Variants in FHIP1B observed in about 807,000 individuals in gnomAD.
FHIP1B encodes FHF complex subunit HOOK interacting protein 1B.
A neutral mutation model predicts 82.2 loss-of-function variants in FHIP1B; 28 were observed. The observed-to-expected ratio is 0.34, with a 90% confidence interval of 0.25 to 0.47. The LOEUF is 0.47. FHIP1B is among the 20% of genes least tolerant of loss of function. The pLI is 1.00. For missense variants in FHIP1B, 1,110 were observed against 1,262.6 expected (o/e 0.88, Z 1.83); for synonymous variants, 585 against 516.1 (o/e 1.13, Z -1.81).
At chr11:6,228,173 C>T (rs764233803) in intron 1 of FHIP1B, among the ~76,000 whole-genome samples, 4 of 152,036 alleles carry the variant, frequency 2.6e-5, no homozygotes, top group South Asian at 2.1e-4. Flanking sequence ...CACGGTGAAA[C>T]CCCATCTCTA....
chr11:6,233,753 G>A (rs1218632800), intron 1 of FHIP1B, among the ~76,000 whole-genome samples: 6 of 152,176 alleles, frequency 3.9e-5, no homozygotes. Flanking sequence ...TTAAGCACAG[G>A]TAAGGAGCAA....
rs325607 is a variant in FHIP1B at position 6,224,285 on chromosome 11, T to C, written c.139-37A>G. The C allele has an allele frequency of 8.7e-3, 13,983 of 1,613,550 alleles. 778 individuals are homozygous for C. The African/African-American group carries it at 0.14, about 16-fold the overall frequency. The stretch of plus-strand genomic sequence containing the variant: ...GGACAGAAGATGGAAGGAATCTAAA[T>C]TGATAAGGTTACTAAATGGGATGAG... On this transcript the variant is annotated intron_variant, in intron 2 of 11. Transcript: ENST00000449352.
chr11:6,222,692 C>T (rs910577711), intron 5 of FHIP1B, 83 bp from the exon 6 acceptor site: 1 of 1,566,602 alleles, frequency 6.4e-7, no homozygotes, highest in African/African-American at 1.4e-5. Flanking sequence ...TAAGAGAAAT[C>T]AGGAGCAGAC....
chr11:6,218,456 A>C, intron 8 of FHIP1B, 144 bp downstream of exon 8: 3 of 1,247,520 alleles, frequency 2.4e-6, no homozygotes, highest in Non-Finnish European at 2.2e-6. Context: ...CCTGCAAGAC[A>C]CCCTCATCAA....
chr11:6,230,030 C>T (rs1441682690), intron 1 of FHIP1B, among the ~76,000 whole-genome samples: 1 of 151,574 alleles, frequency 6.6e-6, no homozygotes, highest in African/African-American at 2.4e-5. Context: ...CCTTCAGGCT[C>T]AGCCACAGAG....
chr11:6,216,183 A>T (rs563478508), intron 9 of FHIP1B, among the ~76,000 whole-genome samples: 1 of 152,390 alleles, frequency 6.6e-6, no homozygotes, highest in South Asian at 2.1e-4. Flanking sequence ...ATGGAAAGAT[A>T]GATTTTCTGT....
Position 6,223,849 on chromosome 11 carries a change from G to C in FHIP1B, c.538C>G (p.Leu180Val), listed in dbSNP as rs750602939. The C allele has an allele frequency of 6.2e-7, 1 of 1,614,108 alleles. No individual in the cohort carries two copies. Among genetic ancestry groups the C allele is most frequent in the Non-Finnish European group, 8.5e-7 (1 of 1,180,048 alleles). Reference protein sequence around the residue: ...PALDEGLVLLLSQLCVCVAQE... With the variant: ...PALDEGLVLLVSQLCVCVAQE... Reference sequence around the variant, plus strand: ...GCCACACAAACACACAGCTGGCTGAGAAGTAGCACCAAGCCTTCATCCAGT... The same window carrying C: ...GCCACACAAACACACAGCTGGCTGACAAGTAGCACCAAGCCTTCATCCAGT... Residue 180 changes from leucine to valine, a missense_variant, in exon 3 of 12, where the codon CTC (leucine) becomes GTC (valine). This residue lies in a region of FHIP1B where 467 missense variants were observed against 602.9 expected (regional missense o/e 0.77). Transcript: ENST00000449352. This position sits in a 1 kb window ranked among gnomAD's most constrained non-coding sequence, Gnocchi z 4.8.
At chr11:6,220,214 T>A (rs145992010) in intron 6 of FHIP1B, among the ~76,000 whole-genome samples, 1 of 152,216 alleles carries the variant, frequency 6.6e-6, no homozygotes, top group East Asian at 1.9e-4. Flanking sequence ...AGCCAAGGAA[T>A]CTGGTTGCTC....
rs1202155141 is a variant in FHIP1B at position 6,211,613 on chromosome 11, A to G, written c.2812T>C (p.Leu938=). The part of the protein sequence containing the change: ...AVIFPEFLKE[L]AAISQAHAVT... ...GCATGAGCCTGGGAGATGGCAGCCA[A>G]CTCCTTGAGAAATTCAGGGAAAATG... The change falls in exon 12 of 12, where the codon TTG becomes CTG. Residue 938 remains leucine, a synonymous_variant. Coordinates refer to ENST00000449352, the MANE Select transcript of FHIP1B (RefSeq NM_001098794.2). 4.3e-6 allele frequency: 7 copies of G among 1,614,084 alleles called. 1 individual carries two copies.
At chr11:6,218,505 TC>T (rs1202378541) in intron 8 of FHIP1B, 94 bp downstream of exon 8, 41 of 1,548,622 alleles carry the variant, frequency 2.6e-5, no homozygotes, top group Non-Finnish European at 3.3e-5. Flanking sequence ...GACACCTTCC[TC>T]CCCTTCACCC....
In FHIP1B at chr11:6,224,524, G is replaced by A. The variant is rs117257317; in HGVS notation, c.-8C>T. ...CCAATTCATCCTCTCCATGAGGCAG[G>A]CTGGGCAGGACTGGCAGCCAGAGGC... On this transcript the variant is annotated 5_prime_UTR_variant, in exon 2 of 12. Coordinates refer to ENST00000449352, the MANE Select transcript of FHIP1B (RefSeq NM_001098794.2). 2 of 1,606,458 alleles carry A rather than the reference G, an allele frequency of 1.2e-6. No homozygotes were observed. Among genetic ancestry groups the A allele is most frequent in the African/African-American group, 1.3e-5 (1 of 74,674 alleles).
rs939943940 is a variant in FHIP1B, at chr11:6,214,714, G to A, written c.2394+19C>T. 39 of 1,554,432 alleles carry A rather than the reference G, an allele frequency of 2.5e-5. No homozygotes were observed. The highest frequency in any genetic ancestry group is 3.3e-5 in the Non-Finnish European group (38 of 1,146,812). ...CACCACGGAGCCTGGACGCACCCAT[G>A]CATGCATGCATCGCACACCTGCAGC... On this transcript the variant is annotated intron_variant, in intron 10 of 11. Transcript: ENST00000449352.
At chr11:6,231,636 A>AT (rs1182452271) in intron 1 of FHIP1B, among the ~76,000 whole-genome samples, 3 of 151,730 alleles carry the variant, frequency 2.0e-5, no homozygotes, top group Non-Finnish European at 4.4e-5. Context: ...ACACCTGGCT[A>AT]ATTTTTGGTG....
Position 6,217,414 on chromosome 11 carries a change from G to C in FHIP1B, c.2172C>G (p.Ser724Arg). 1 of 1,614,158 alleles carries C rather than the reference G, an allele frequency of 6.2e-7. No individual in the cohort carries two copies. Among genetic ancestry groups the C allele is most frequent in the Non-Finnish European group, 8.5e-7 (1 of 1,180,022 alleles). Residue 724 changes from serine (S) to arginine (R), a missense_variant, in exon 9 of 12, where the codon AGC (serine) becomes AGG (arginine). Transcript: ENST00000449352. ...PPEPPGPFLS[S>R]PLRTLNQLPS... ...GCAGCTGGTTGAGAGTCCGCAAAGGGCTGCTGAGGAAGGGGCCAGGGGGCT... is the reference window on the plus strand; with the variant it reads ...GCAGCTGGTTGAGAGTCCGCAAAGGCCTGCTGAGGAAGGGGCCAGGGGGCT...
intron 9 of FHIP1B, 83 bp downstream of exon 9, chr11:6,217,288 C>A (rs762421923): frequency 1.7e-5 from 22 of 1,300,234 alleles, no homozygotes; most frequent in Non-Finnish European, 1.9e-5. Context: ...ATGACATGGC[C>A]AAGAGGTCCA....
chr11:6,215,325 C>G (rs763624382), intron 9 of FHIP1B: 1 of 156,748 alleles, frequency 6.4e-6, no homozygotes, highest in Non-Finnish European at 1.4e-5. Context: ...AGCCTCAGAT[C>G]TGGCAAATTT....
rs571053772 is a variant in FHIP1B at position 6,222,669 on chromosome 11, T to G, written c.1024-60A>C. On this transcript the variant is annotated intron_variant, in intron 5 of 11. Transcript: ENST00000449352. ...AGCTTCCCTGCACATACAGGGCCATTTTCCCTGGATTCTAAGAGAAATCAG... is the reference window on the plus strand; with the variant it reads ...AGCTTCCCTGCACATACAGGGCCATGTTCCCTGGATTCTAAGAGAAATCAG... 2.4e-4 allele frequency: 389 copies of G among 1,591,152 alleles called. 1 individual carries two copies. Among genetic ancestry groups the G allele is most frequent in the South Asian group, 7.1e-4 (64 of 90,366 alleles).
At chr11:6,232,144 T>C (rs73395024) in intron 1 of FHIP1B, among the ~76,000 whole-genome samples, 2,770 of 151,898 alleles carry the variant, frequency 0.018, 76 homozygotes, top group African/African-American at 0.063. Context: ...ACTCACTATA[T>C]GATACAAATC....
At chr11:6,233,531 G>A (rs955798491) in intron 1 of FHIP1B, among the ~76,000 whole-genome samples, 4 of 152,220 alleles carry the variant, frequency 2.6e-5, no homozygotes, top group African/African-American at 7.2e-5. Context: ...GACTGATGAT[G>A]ATTTCACAGA....
Sources: allele counts gnomAD v4.1 joint callset (sites outside exome capture counted in the v4.1 genomes callset), GRCh38; gene constraint gnomAD v4.1.1; regional missense constraint gnomAD v4.1.1; non-coding constraint Gnocchi (gnomAD v3.1); transcripts MANE v1.5; gene names NCBI Gene and HGNC (gene_info 2026-07-23, HGNC 2026-07-21).